Variants in BUB1B observed in about 807,000 individuals in gnomAD.
The protein encoded by BUB1B is mitotic checkpoint serine/threonine-protein kinase BUB1 beta.
Under a neutral mutation model 137.7 loss-of-function variants are expected in BUB1B, and 86 were observed. The ratio of observed to expected loss-of-function variants is 0.62; its 90% confidence interval spans 0.52 to 0.75. The LOEUF (loss-of-function observed/expected upper bound fraction) is 0.75. Ranked by LOEUF, BUB1B falls within the 30% of genes least tolerant of loss-of-function variation. The pLI is 0.00. For synonymous variants in BUB1B, 420 were observed against 417.9 expected (o/e 1.00, Z -0.06); for missense variants, 1,130 against 1,236.9 (o/e 0.91, Z 1.30).
chr15:40,210,415 T>A (rs2037696374), intron 18 of BUB1B, among the ~76,000 whole-genome samples: 1 of 152,206 alleles, frequency 6.6e-6, no homozygotes, highest in Non-Finnish European at 1.5e-5. Flanking sequence ...ATACATTAGC[T>A]TTCACACAAT....
chr15:40,216,565 ATATATATTTTTTTTT>A (rs988746103), intron 20 of BUB1B, among the ~76,000 whole-genome samples: 21 of 78,662 alleles, frequency 2.7e-4, no homozygotes, highest in African/African-American at 1.6e-3. Flanking sequence ...ATATATATAT[ATATATATTTTTTTTT>A]TTTTTTAATT....
At chr15:40,217,690 C>T in intron 21 of BUB1B, 23 bp downstream of exon 21, 1 of 1,613,400 alleles carries the variant, frequency 6.2e-7, no homozygotes, top group East Asian at 2.2e-5. Flanking sequence ...CAAGCCTGAG[C>T]AAATATGGAG....
intron 8 of BUB1B, among the ~76,000 whole-genome samples, chr15:40,188,827 C>T (rs1435066788): frequency 3.3e-5 from 5 of 151,666 alleles, no homozygotes; most frequent in African/African-American, 1.2e-4. Flanking sequence ...GAGATCTGCC[C>T]GCCTTAGCCT....
chr15:40,187,947 A>G (rs2037388620), intron 8 of BUB1B, among the ~76,000 whole-genome samples: 1 of 152,238 alleles, frequency 6.6e-6, no homozygotes, highest in Non-Finnish European at 1.5e-5. Context: ...GAGCCTTTAT[A>G]GAAATGGATA....
chr15:40,206,378 T>C lies in BUB1B; in HGVS notation c.1929T>C (p.Asp643=). ...CTGAGAGACTGTTACCGGAAGAAGA[T>C]CTAGATGTAAAGACCTCTGAGGACC... is the stretch of plus-strand genomic sequence containing the variant. The part of the protein sequence containing the change: ...SDPERLLPEE[D]LDVKTSEDQQ... Residue 643 remains aspartate, a synonymous_variant, in exon 15 of 23, where the codon GAT becomes GAC. Coordinates refer to ENST00000287598, the MANE Select transcript of BUB1B (RefSeq NM_001211.6). 1 of 1,614,168 alleles carries C rather than the reference T, an allele frequency of 6.2e-7. No individual in the cohort carries two copies. Among genetic ancestry groups the C allele is most frequent in the Non-Finnish European group, 8.5e-7 (1 of 1,180,028 alleles).
intron 14 of BUB1B, among the ~76,000 whole-genome samples, chr15:40,203,677 A>T (rs927414544): frequency 6.6e-6 from 1 of 152,218 alleles, no homozygotes; most frequent in Non-Finnish European, 1.5e-5. Flanking sequence ...TGCAAAAGTT[A>T]TGTGGGCCAA....
At chr15:40,204,504 TC>T (rs1326386800) in intron 14 of BUB1B, among the ~76,000 whole-genome samples, 1 of 150,838 alleles carries the variant, frequency 6.6e-6, no homozygotes, top group African/African-American at 2.4e-5. Context: ...AGAATTTTCA[TC>T]CCCTAAAAAA....
At chr15:40,164,586 C>T (rs2037073425) in intron 1 of BUB1B, among the ~76,000 whole-genome samples, 1 of 151,746 alleles carries the variant, frequency 6.6e-6, no homozygotes, top group Non-Finnish European at 1.5e-5. Context: ...TACTTGTTGC[C>T]TTTTTGTCTA....
At chr15:40,172,903 T>C (rs1471266347) in intron 4 of BUB1B, among the ~76,000 whole-genome samples, 1 of 152,222 alleles carries the variant, frequency 6.6e-6, no homozygotes, top group Non-Finnish European at 1.5e-5. Flanking sequence ...GCCTGGAGTC[T>C]GTGGACCCTG....
chr15:40,212,465 A>G (rs1240156491), intron 18 of BUB1B, 34 bp from the exon 19 acceptor site: 5 of 1,582,392 alleles, frequency 3.2e-6, no homozygotes, highest in Admixed American at 1.7e-5. Context: ...CATAGACTTA[A>G]CTGAACTTAT....
chr15:40,189,258 C>A (rs530787331), intron 8 of BUB1B, among the ~76,000 whole-genome samples: 1 of 152,302 alleles, frequency 6.6e-6, no homozygotes, highest in African/African-American at 2.4e-5. Context: ...CTCTCCAGTT[C>A]AAGCATTTCT....
intron 20 of BUB1B, among the ~76,000 whole-genome samples, chr15:40,215,427 G>A (rs575743194): frequency 1.3e-5 from 2 of 151,708 alleles, no homozygotes; most frequent in Admixed American, 6.6e-5. Context: ...AACTGAGATC[G>A]CACCATTGTA....
intron 5 of BUB1B, among the ~76,000 whole-genome samples, chr15:40,177,363 C>T (rs2037234956): frequency 6.6e-6 from 1 of 152,176 alleles, no homozygotes; most frequent in East Asian, 1.9e-4. Flanking sequence ...TATAATTTCA[C>T]TTTTTACATT....
intron 8 of BUB1B, 71 bp from the exon 9 acceptor site, chr15:40,196,474 G>C: frequency 7.3e-7 from 1 of 1,362,680 alleles, no homozygotes; most frequent in Non-Finnish European, 1.0e-6. Flanking sequence ...ATTATTTTTA[G>C]CTTCTTTTAT....
intron 2 of BUB1B, 44 bp from the exon 3 acceptor site, chr15:40,170,018 G>A (rs770065443): frequency 2.7e-6 from 4 of 1,459,296 alleles, no homozygotes; most frequent in Non-Finnish European, 3.8e-6. Context: ...TTCATTGGCT[G>A]TTGTCACTAT....
intron 9 of BUB1B, among the ~76,000 whole-genome samples, chr15:40,197,406 A>C (rs1222321392): frequency 2.6e-5 from 4 of 152,188 alleles, no homozygotes; most frequent in Non-Finnish European, 5.9e-5. Context: ...GAGGTAGGGC[A>C]GAATGGGCTG....
At chr15:40,169,722 C>T (rs1438855793) in intron 2 of BUB1B, among the ~76,000 whole-genome samples, 1 of 148,264 alleles carries the variant, frequency 6.7e-6, no homozygotes, top group Non-Finnish European at 1.5e-5. Flanking sequence ...AAGTGCTCTT[C>T]CCACCTCAGC....
At chr15:40,217,102 A>G (rs2037803373) in intron 20 of BUB1B, among the ~76,000 whole-genome samples, 1 of 152,218 alleles carries the variant, frequency 6.6e-6, no homozygotes, top group Non-Finnish European at 1.5e-5. Flanking sequence ...AAGAAAGGCT[A>G]TGACACCTAT....
intron 14 of BUB1B, 58 bp downstream of exon 14, chr15:40,202,752 C>T (rs1220749269): frequency 5.0e-6 from 7 of 1,403,856 alleles, no homozygotes; most frequent in East Asian, 4.6e-5. Flanking sequence ...TTATTCAAAA[C>T]CACAAAAGCT....
Sources: gnomAD v4.1 joint callset for allele counts (sites outside exome capture counted in the v4.1 genomes callset) on GRCh38, gnomAD v4.1.1 for gene constraint, MANE v1.5 for transcripts, NCBI Gene and HGNC (gene_info 2026-07-23, HGNC 2026-07-21) for gene names.